CNTNAP5: variants seen among roughly 807,000 people sequenced by gnomAD.
CNTNAP5 encodes contactin-associated protein-like 5.
Under a neutral mutation model 150.2 loss-of-function variants are expected in CNTNAP5, and 72 were observed. The observed-to-expected ratio is 0.48, with a 90% CI of 0.40 to 0.58. CNTNAP5 has a LOEUF of 0.58. Ranked by LOEUF, CNTNAP5 falls within the 20% of genes least tolerant of loss-of-function variation. The probability of loss-of-function intolerance (pLI) is 0.00; values close to 1 mark genes in which losing one functional copy is unlikely to be tolerated. For missense variants in CNTNAP5, 1,636 were observed against 1,626.2 expected, an observed-to-expected ratio of 1.01 and a Z score of -0.10; for synonymous variants, 672 against 619.8, an observed-to-expected ratio of 1.08 and a Z score of -1.25.
chr2:124,476,988 G>A (rs140502497), intron 7 of CNTNAP5, among the ~76,000 whole-genome samples: 2 of 152,194 alleles, frequency 1.3e-5, no homozygotes, highest in African/African-American at 4.8e-5. Flanking sequence ...ATTCTCCACT[G>A]TGTTTTTCTT....
chr2:124,425,097 C>T (rs1692209272), intron 4 of CNTNAP5, among the ~76,000 whole-genome samples: 1 of 152,178 alleles, frequency 6.6e-6, no homozygotes. Context: ...GGCCTTGCCT[C>T]CTACAATTTG....
chr2:124,441,017 T>A (rs530342160), intron 5 of CNTNAP5, among the ~76,000 whole-genome samples: 7 of 151,956 alleles, frequency 4.6e-5, no homozygotes, highest in Admixed American at 1.3e-4. Flanking sequence ...ATGAAACATT[T>A]CTGAGGACCA....
chr2:124,178,358 A>G (rs1363195523), intron 1 of CNTNAP5, among the ~76,000 whole-genome samples: 1 of 152,110 alleles, frequency 6.6e-6, no homozygotes, highest in African/African-American at 2.4e-5. Context: ...TAATTCCTCT[A>G]TCTTTTGAAT....
intron 21 of CNTNAP5, among the ~76,000 whole-genome samples, chr2:124,885,130 A>G (rs1678051890): frequency 6.6e-6 from 1 of 152,048 alleles, no homozygotes; most frequent in East Asian, 1.9e-4. Flanking sequence ...GTAGGCCATC[A>G]GGAAGTGCAG....
In CNTNAP5 at chr2:124,140,687, GAAA is replaced by G. The variant is rs1311577990; in HGVS notation, c.83-81014_83-81012del. Among the ~76,000 whole-genome samples the G allele has an allele frequency of 5.2e-5, 5 of 95,362 alleles. 1 individual carries two copies. Among genetic ancestry groups the G allele is most frequent in the Non-Finnish European group, 9.1e-5 (4 of 43,782 alleles). 62.6% of individuals were successfully genotyped at this position (95,362 alleles called of 152,430 possible). Reference sequence around the variant, plus strand: ...AAGTAGATAAAACCACAAAGATGGGGAAAAAACAGAACAGAAAAACTGGAAACT... The same window carrying G: ...AAGTAGATAAAACCACAAAGATGGGGAAACAGAACAGAAAAACTGGAAACT... On this transcript the variant is annotated intron_variant, in intron 1 of 23. Coordinates refer to ENST00000682447, the MANE Select transcript of CNTNAP5 (RefSeq NM_001367498.1).
At chr2:124,203,173 G>A (rs1477671875) in intron 1 of CNTNAP5, among the ~76,000 whole-genome samples, 1 of 152,194 alleles carries the variant, frequency 6.6e-6, no homozygotes, top group East Asian at 1.9e-4. Flanking sequence ...GGGGTTACAG[G>A]CCCCATGCAA....
rs147208714 is a variant in CNTNAP5 at position 124,691,645 on chromosome 2, G to A, written c.2077+43687G>A. Among the ~76,000 whole-genome samples, 314 of 152,140 alleles carry A rather than the reference G, an allele frequency of 2.1e-3. 3 individuals are homozygous for A. The Middle Eastern group carries it at 0.034, about 16-fold the overall frequency. On this transcript the variant is annotated intron_variant, in intron 13 of 23. Coordinates refer to ENST00000682447, the MANE Select transcript of CNTNAP5 (RefSeq NM_001367498.1). ...GTAACCCTGGCACCATAGCACAGTCGCTGGCACCTATTGAAAACTCAGTCA... is the reference window on the plus strand; with the variant it reads ...GTAACCCTGGCACCATAGCACAGTCACTGGCACCTATTGAAAACTCAGTCA...
chr2:124,246,081 G>A (rs180714974), intron 3 of CNTNAP5, among the ~76,000 whole-genome samples: 2 of 152,040 alleles, frequency 1.3e-5, no homozygotes, highest in Non-Finnish European at 1.5e-5. Flanking sequence ...CTGGTCTTCT[G>A]CGGACCCTCA....
chr2:124,504,396 G>A lies in CNTNAP5; in HGVS notation c.1167G>A (p.Gly389=), dbSNP rs1159883207. The A allele has an allele frequency of 1.2e-6, 2 of 1,613,922 alleles. No individual in the cohort carries two copies. Among genetic ancestry groups the A allele is most frequent in the Admixed American group, 1.7e-5 (1 of 60,004 alleles). ...TGCCCGGCACCCCCCAAATTGATGG[G>A]CTCTCAGTGAGTTTCCAGTTTCGAA... The part of the protein sequence containing the change: ...LLLPGTPQID[G]LSVSFQFRTW... The change falls in exon 8 of 24, where the codon GGG becomes GGA. Residue 389 remains glycine (G), a synonymous_variant. Coordinates refer to ENST00000682447, the MANE Select transcript of CNTNAP5 (RefSeq NM_001367498.1).
intron 8 of CNTNAP5, among the ~76,000 whole-genome samples, chr2:124,521,489 A>C (rs568659465): frequency 2.0e-5 from 3 of 152,328 alleles, no homozygotes; most frequent in Non-Finnish European, 4.4e-5. Flanking sequence ...ACCCACAATC[A>C]CAACAGATGA....
intron 10 of CNTNAP5, among the ~76,000 whole-genome samples, chr2:124,548,462 G>C (rs1695562032): frequency 6.6e-6 from 1 of 152,186 alleles, no homozygotes; most frequent in Non-Finnish European, 1.5e-5. Flanking sequence ...TGTTCACAAG[G>C]ACAGGACACT....
At chr2:124,137,969 AT>A (rs1684017301) in intron 1 of CNTNAP5, among the ~76,000 whole-genome samples, 1 of 152,162 alleles carries the variant, frequency 6.6e-6, no homozygotes, top group Admixed American at 6.5e-5. Flanking sequence ...GAGCAACTCA[AT>A]TTTGTGGGAT....
intron 12 of CNTNAP5, among the ~76,000 whole-genome samples, chr2:124,635,310 C>G (rs1677949475): frequency 1.3e-5 from 2 of 152,238 alleles, no homozygotes; most frequent in South Asian, 4.1e-4. Context: ...ATGATGAGAA[C>G]AGTATTCGGG....
intron 10 of CNTNAP5, among the ~76,000 whole-genome samples, chr2:124,544,452 T>A (rs1480785582): frequency 6.6e-6 from 1 of 152,216 alleles, no homozygotes; most frequent in Non-Finnish European, 1.5e-5. Context: ...TAGTTCTTAA[T>A]CCTCTTCTCA....
intron 21 of CNTNAP5, among the ~76,000 whole-genome samples, chr2:124,885,543 T>G (rs62173292): frequency 7.7e-6 from 1 of 129,808 alleles, no homozygotes; most frequent in Non-Finnish European, 1.6e-5. Flanking sequence ...CTCCAAAACA[T>G]TTTCATCACA....
chr2:124,338,237 A>G (rs945143387), intron 3 of CNTNAP5, among the ~76,000 whole-genome samples: 1 of 152,280 alleles, frequency 6.6e-6, no homozygotes, highest in East Asian at 1.9e-4. Flanking sequence ...ACTTTGCTGA[A>G]GTTGCTTATC....
intron 1 of CNTNAP5, among the ~76,000 whole-genome samples, chr2:124,157,696 T>TC (rs1684578495): frequency 6.6e-6 from 1 of 152,174 alleles, no homozygotes; most frequent in South Asian, 2.1e-4. Flanking sequence ...CTAAAGGGCA[T>TC]CTATAGGAGG....
At chr2:124,773,092 C>T in intron 17 of CNTNAP5, 75 bp downstream of exon 17, 1 of 1,124,756 alleles carries the variant, frequency 8.9e-7, no homozygotes, top group Non-Finnish European at 1.3e-6. Flanking sequence ...AGAAAAAATT[C>T]TCTTTTATCT....
intron 2 of CNTNAP5, among the ~76,000 whole-genome samples, chr2:124,229,022 C>G (rs1050253314): frequency 6.6e-6 from 1 of 152,086 alleles, no homozygotes; most frequent in African/African-American, 2.4e-5. Flanking sequence ...AAAACCTTGG[C>G]AAACATTGAA....
Sources: gnomAD v4.1 joint callset for allele counts (sites outside exome capture counted in the v4.1 genomes callset) on GRCh38, gnomAD v4.1.1 for gene constraint, MANE v1.5 for transcripts, NCBI Gene and HGNC (gene_info 2026-07-23, HGNC 2026-07-21) for gene names.